Variants in ABI3 observed in about 807,000 individuals in gnomAD.
The protein encoded by ABI3 is ABI family member 3, also known as ABI gene family member 3.
In ABI3, 24 loss-of-function variants were observed where a neutral mutation model predicts 37.0. The ratio of observed to expected loss-of-function variants is 0.65; its 90% CI spans 0.47 to 0.91. ABI3 has a LOEUF of 0.91. Among genes scored for constraint, ABI3 ranks in the 40% least tolerant of loss-of-function variants. ABI3 has a pLI of 0.00. For missense variants in ABI3, 481 were observed against 485.1 expected, an observed-to-expected ratio of 0.99 and a Z score of 0.08; for synonymous variants, 220 against 211.8, an observed-to-expected ratio of 1.04 and a Z score of -0.34.
chr17:49,214,116 T>C (rs913370065), intron 1 of ABI3, among the ~76,000 whole-genome samples: 4 of 152,284 alleles, frequency 2.6e-5, no homozygotes, highest in Admixed American at 2.6e-4. Flanking sequence ...TCAGGCTCCA[T>C]TAGAGGCTCC....
rs189467075 is a variant in ABI3, at chr17:49,210,853, G to T, written c.117+12G>T. 2.6e-6 allele frequency: 4 copies of T among 1,543,098 alleles called. No individual in the cohort carries two copies. Among genetic ancestry groups the T allele is most frequent in the Non-Finnish European group, 3.5e-6 (4 of 1,139,414 alleles). On this transcript the variant is annotated intron_variant, in intron 1 of 7. Coordinates refer to ENST00000225941, the MANE Select transcript of ABI3 (RefSeq NM_016428.3). This position sits in a 1 kb window ranked among gnomAD's most constrained non-coding sequence, Gnocchi z 4.2. ...ACAACTATGTGCAGGTAGGTAGAGCGGGCGGAAGCCTGACACCCCAGCCCC... is the reference window on the plus strand; with the variant it reads ...ACAACTATGTGCAGGTAGGTAGAGCTGGCGGAAGCCTGACACCCCAGCCCC...
intron 3 of ABI3, 25 bp downstream of exon 3, chr17:49,217,940 C>G: frequency 6.7e-7 from 1 of 1,488,374 alleles, no homozygotes; most frequent in Non-Finnish European, 8.9e-7. Flanking sequence ...CCTCCTCTTT[C>G]CCTCCAACCC....
intron 5 of ABI3, 67 bp from the exon 6 acceptor site, chr17:49,220,102 G>A (rs2043266296): frequency 6.2e-7 from 1 of 1,604,934 alleles, no homozygotes; most frequent in Non-Finnish European, 8.5e-7. Context: ...GGATTGGAGG[G>A]GTGGGGCCAG....
At position 49,216,718 on chromosome 17, in the gene ABI3, G is replaced by A; in HGVS notation, c.285+20G>A. ...GGCCAGGTAAGGGGCGTGGGGCGTG[G>A]GAAGGCATCTTGTGTCAGGCCTCAA... On this transcript the variant is annotated intron_variant, in intron 2 of 7. Transcript: ENST00000225941. 6.8e-7 allele frequency: 1 copy of A among 1,473,696 alleles called. No homozygotes were observed. Among genetic ancestry groups the A allele is most frequent in the Non-Finnish European group, 9.0e-7 (1 of 1,108,726 alleles). The allele number at this position is 1,473,696 out of a possible 1,614,324, so 91.3% of individuals were successfully genotyped here.
intron 1 of ABI3, among the ~76,000 whole-genome samples, chr17:49,216,190 C>T (rs2043216219): frequency 6.6e-6 from 1 of 151,808 alleles, no homozygotes. Flanking sequence ...ACCCCCACTC[C>T]AACCCCTAAA....
At chr17:49,222,034 G>T in intron 6 of ABI3, 57 bp from the exon 7 acceptor site, 1 of 1,514,776 alleles carries the variant, frequency 6.6e-7, no homozygotes, top group South Asian at 1.3e-5. Flanking sequence ...GCAGTTCCCT[G>T]ACACACTGAA....
intron 1 of ABI3, among the ~76,000 whole-genome samples, chr17:49,215,235 A>G (rs1009168520): frequency 6.6e-5 from 10 of 152,176 alleles, no homozygotes; most frequent in African/African-American, 2.4e-4. Flanking sequence ...CCCAATGGCC[A>G]ATGTGGCTGA....
At chr17:49,211,363 G>C (rs952492811) in intron 1 of ABI3, among the ~76,000 whole-genome samples, 7 of 152,206 alleles carry the variant, frequency 4.6e-5, no homozygotes, top group African/African-American at 1.2e-4. Context: ...CAGAGGCAGG[G>C]GGATGGCCCA....
At position 49,221,465 on chromosome 17, in the gene ABI3, G is replaced by A. The variant is rs549267368; in HGVS notation, c.803-626G>A. Reference sequence around the variant, plus strand: ...CAGCCTGGGCGACACAGCGAGACTCGGTCTCAAAAAAAAATAAAACAAAAT... The same window carrying A: ...CAGCCTGGGCGACACAGCGAGACTCAGTCTCAAAAAAAAATAAAACAAAAT... On this transcript the variant is annotated intron_variant, in intron 6 of 7. Transcript: ENST00000225941. Among the ~76,000 whole-genome samples the A allele has an allele frequency of 1.2e-4, 18 of 151,898 alleles. No homozygotes were observed. In the East Asian group the frequency reaches 3.1e-3, roughly 26 times the overall value.
chr17:49,221,484 A>G (rs66534734), intron 6 of ABI3, among the ~76,000 whole-genome samples: 29,280 of 151,922 alleles, frequency 0.19, 3,102 homozygotes, highest in South Asian at 0.32. Context: ...AAAAAATAAA[A>G]CAAAATAAAC....
chr17:49,219,986 G>A lies in ABI3; in HGVS notation c.644+33G>A, dbSNP rs906347959. On this transcript the variant is annotated intron_variant, in intron 5 of 7. Coordinates refer to ENST00000225941, the MANE Select transcript of ABI3 (RefSeq NM_016428.3). This position sits in a 1 kb window ranked among gnomAD's most constrained non-coding sequence, Gnocchi z 4.3. ...CTACAAGCCCACGTGGGTGGGTGGG[G>A]GGTGGGAAGTGGCTTTTGAGAGGGG... The A allele has an allele frequency of 8.9e-7, 1 of 1,120,290 alleles. No homozygotes were observed. Among genetic ancestry groups the A allele is most frequent in the Non-Finnish European group, 1.3e-6 (1 of 765,312 alleles). The allele number at this position is 1,120,290 out of a possible 1,614,324, so 69.4% of individuals were successfully genotyped here.
chr17:49,210,901 G>A lies in ABI3; in HGVS notation c.117+60G>A. ...CCCCGGAGGGGGGACCCTGAGCCCT[G>A]CCCCAAGTGGGGCCCTGGGACCCAT... On this transcript the variant is annotated intron_variant, in intron 1 of 7. Coordinates refer to ENST00000225941, the MANE Select transcript of ABI3 (RefSeq NM_016428.3). This position sits in a 1 kb window ranked among gnomAD's most constrained non-coding sequence, Gnocchi z 4.2. 7.1e-7 allele frequency: 1 copy of A among 1,406,470 alleles called. No individual in the cohort carries two copies. The allele number at this position is 1,406,470 out of a possible 1,614,324, so 87.1% of individuals were successfully genotyped here.
rs117276946 is a variant in ABI3 at position 49,214,876 on chromosome 17, G to A, written c.118-1655G>A. Among the ~76,000 whole-genome samples the A allele has an allele frequency of 4.7e-3, 714 of 152,278 alleles. 1 individual carries two copies. Among genetic ancestry groups the A allele is most frequent in the Non-Finnish European group, 6.4e-3 (432 of 68,020 alleles). ...CCATTCGACCTGCTAATTAACTCAC[G>A]AGTGCATATTTATGAAGAATCTTTT... On this transcript the variant is annotated intron_variant, in intron 1 of 7. Transcript: ENST00000225941.
Position 49,220,150 on chromosome 17 carries a change from C to A in ABI3, c.645-19C>A. On this transcript the variant is annotated intron_variant, in intron 5 of 7. Transcript: ENST00000225941. ...CATTAGGGAAGGCGTGTCCGCCAACCGGGCTCTCTGGTGTTCAGCAGCGCC... is the reference window on the plus strand; with the variant it reads ...CATTAGGGAAGGCGTGTCCGCCAACAGGGCTCTCTGGTGTTCAGCAGCGCC... 1 of 1,611,502 alleles carries A rather than the reference C, an allele frequency of 6.2e-7. No individual in the cohort carries two copies. Among genetic ancestry groups the A allele is most frequent in the Non-Finnish European group, 8.5e-7 (1 of 1,179,910 alleles).
At position 49,223,077 on chromosome 17, in the gene ABI3, G is replaced by C. The variant is rs1412307783; in HGVS notation, c.*362G>C. 2 of 414,694 alleles carry C rather than the reference G, an allele frequency of 4.8e-6. No individual in the cohort carries two copies. Among genetic ancestry groups the C allele is most frequent in the Non-Finnish European group, 8.5e-6 (2 of 235,442 alleles). The allele number at this position is 414,694 out of a possible 1,614,324, so 25.7% of individuals were successfully genotyped here. A position where few individuals can be genotyped will look rare whatever the true frequency, so the allele number is the denominator to read the frequency against. On this transcript the variant is annotated 3_prime_UTR_variant, in exon 8 of 8. Coordinates refer to ENST00000225941, the MANE Select transcript of ABI3 (RefSeq NM_016428.3). ...TGAAAGGCATCCCAGTTCTAAGGCT[G>C]CTGCTAATTACAGCCCCCAACCTCC...
chr17:49,214,773 C>T (rs535812255), intron 1 of ABI3, among the ~76,000 whole-genome samples: 2 of 152,368 alleles, frequency 1.3e-5, no homozygotes, highest in South Asian at 4.1e-4. Flanking sequence ...CCTGCACTGA[C>T]TGGCAGTGTG....
chr17:49,216,606 G>T lies in ABI3; in HGVS notation c.193G>T (p.Val65Leu). ...GGCACTGGCCAGCGTGGCCTACCAG[G>T]TGGGCAACCTGGCCGGGCACACTCT... The part of the protein sequence containing the change: ...TQALASVAYQ[V>L]GNLAGHTLRM... The change falls in exon 2 of 8, where the codon GTG becomes TTG. Residue 65 changes from valine (V) to leucine (L), a missense_variant. By Grantham distance (32) the Val-to-Leu change is conservative. Transcript: ENST00000225941. 6.2e-7 allele frequency: 1 copy of T among 1,611,822 alleles called. No homozygotes were observed. The highest frequency in any genetic ancestry group is 8.5e-7 in the Non-Finnish European group (1 of 1,179,186).
intron 6 of ABI3, among the ~76,000 whole-genome samples, chr17:49,221,363 C>T (rs564224216): frequency 6.6e-6 from 1 of 151,140 alleles, no homozygotes; most frequent in African/African-American, 2.4e-5. Flanking sequence ...CCCAGCTACT[C>T]GGGAGGCTGA....
In ABI3 at chr17:49,222,135, C is replaced by T; in HGVS notation, c.847C>T (p.Leu283=). 1 of 1,613,614 alleles carries T rather than the reference C, an allele frequency of 6.2e-7. No homozygotes were observed. The highest frequency in any genetic ancestry group is 1.3e-5 in the African/African-American group (1 of 74,992). ...ACTGGACCTGCCTCCTCCTCCACCC[C>T]TGGATGGAGATGAATTGGGGCTGCC... is the stretch of plus-strand genomic sequence containing the variant. ...LPLDLPPPPP[L]DGDELGLPPP... is the part of the protein sequence containing the mutation. The change falls in exon 7 of 8, where the codon CTG becomes TTG. Residue 283 remains leucine, a synonymous_variant. Transcript: ENST00000225941.
Sources: gnomAD v4.1 joint callset for allele counts (sites outside exome capture counted in the v4.1 genomes callset) on GRCh38, gnomAD v4.1.1 for gene constraint, Gnocchi (gnomAD v3.1) non-coding constraint, MANE v1.5 for transcripts, NCBI Gene and HGNC (gene_info 2026-07-23, HGNC 2026-07-21) for gene names.